The following AFF3 variants were observed in gnomAD, a reference collection of about 807,000 sequenced individuals.
AFF3 encodes the protein ALF transcription elongation factor 3.
In AFF3, 32 loss-of-function variants were observed where a neutral mutation model predicts 129.7. The observed-to-expected ratio is 0.25, with a 90% CI of 0.19 to 0.33. The LOEUF is 0.33. Among genes scored for constraint, AFF3 ranks in the 10% least tolerant of loss-of-function variants. The probability of loss-of-function intolerance (pLI) is 1.00; values close to 1 mark genes in which losing one functional copy is unlikely to be tolerated. For missense variants in AFF3, 1,373 were observed against 1,592.0 expected (o/e 0.86, Z 2.34); for synonymous variants, 644 against 635.4 (o/e 1.01, Z -0.20).
chr2:99,565,700 C>G lies in AFF3; in HGVS notation c.2983-77G>C. The G allele has an allele frequency of 2.0e-6, 3 of 1,496,154 alleles. No individual in the cohort carries two copies. In the South Asian group the frequency reaches 3.8e-5, roughly 19 times the overall value. 92.7% of individuals were successfully genotyped at this position (1,496,154 alleles called of 1,614,324 possible). On this transcript the variant is annotated intron_variant, in intron 19 of 24. Coordinates refer to ENST00000672756, the MANE Select transcript of AFF3 (RefSeq NM_001386135.1). ...TGGCATTGTCATGTAGTTTATACAC[C>G]TTATTTGAGAAACCCAACTCTGACT...
intron 8 of AFF3, among the ~76,000 whole-genome samples, chr2:99,763,004 C>G (rs1028627663): frequency 1.3e-5 from 2 of 152,238 alleles, no homozygotes; most frequent in Non-Finnish European, 2.9e-5. Context: ...TACAACACTG[C>G]ATCTCATCTA....
chr2:99,578,201 G>A, intron 18 of AFF3, 126 bp downstream of exon 18: 4 of 1,331,074 alleles, frequency 3.0e-6, no homozygotes, highest in Non-Finnish European at 4.0e-6. Flanking sequence ...AAATGACCAA[G>A]TCCCAGGGGA....
intron 7 of AFF3, among the ~76,000 whole-genome samples, chr2:99,898,219 A>T (rs1055892125): frequency 6.6e-6 from 1 of 152,138 alleles, no homozygotes; most frequent in African/African-American, 2.4e-5. Context: ...AAGAATGGAC[A>T]TTTTTTCCCT....
At chr2:99,952,764 A>G (rs1034929822) in intron 7 of AFF3, among the ~76,000 whole-genome samples, 1 of 152,146 alleles carries the variant, frequency 6.6e-6, no homozygotes, top group Non-Finnish European at 1.5e-5. Context: ...CTGCTCCTTA[A>G]TCAAAGGACT....
chr2:100,006,604 C>T (rs763459456), intron 7 of AFF3, 28 bp downstream of exon 7: 8 of 1,576,382 alleles, frequency 5.1e-6, no homozygotes, highest in Middle Eastern at 1.7e-4. Flanking sequence ...TATGCAGTTG[C>T]ATGTGAACGG....
intron 4 of AFF3, among the ~76,000 whole-genome samples, chr2:100,053,121 CA>C (rs1686484513): frequency 6.6e-6 from 1 of 152,262 alleles, no homozygotes; most frequent in African/African-American, 2.4e-5. Flanking sequence ...ATCAAAAAGT[CA>C]TTTATGTTTA....
chr2:100,082,697 T>A (rs868746803), intron 4 of AFF3, among the ~76,000 whole-genome samples: 1 of 152,182 alleles, frequency 6.6e-6, no homozygotes, highest in Non-Finnish European at 1.5e-5. Flanking sequence ...TATTTAGTCA[T>A]GATTTTGTCA....
intron 13 of AFF3, among the ~76,000 whole-genome samples, chr2:99,623,728 G>A (rs1682279700): frequency 6.6e-6 from 1 of 152,218 alleles, no homozygotes; most frequent in Non-Finnish European, 1.5e-5. Flanking sequence ...GGGGCAAAAC[G>A]CGGGTGCCAT....
At chr2:99,713,903 G>A (rs1678142531) in intron 11 of AFF3, among the ~76,000 whole-genome samples, 1 of 151,948 alleles carries the variant, frequency 6.6e-6, no homozygotes, top group South Asian at 2.1e-4. Context: ...GTTTCACCAT[G>A]TTGGCGAGGC....
chr2:99,571,623 G>A (rs1676484293), intron 18 of AFF3, among the ~76,000 whole-genome samples: 1 of 152,180 alleles, frequency 6.6e-6, no homozygotes, highest in South Asian at 2.1e-4. Context: ...TAATAGCATA[G>A]GTACCATCTG....
chr2:100,111,703 T>G (rs1691516154), intron 2 of AFF3, among the ~76,000 whole-genome samples: 1 of 152,252 alleles, frequency 6.6e-6, no homozygotes, highest in South Asian at 2.1e-4. Flanking sequence ...GAAGCTGATT[T>G]ACTTCAGAAG....
chr2:99,729,356 TA>T (rs1279059336), intron 10 of AFF3, among the ~76,000 whole-genome samples: 1 of 152,162 alleles, frequency 6.6e-6, no homozygotes, highest in Non-Finnish European at 1.5e-5. Context: ...TAGCAGCACT[TA>T]TGTTGTGGCA....
intron 4 of AFF3, among the ~76,000 whole-genome samples, chr2:100,020,130 C>G (rs1683464899): frequency 6.6e-6 from 1 of 152,124 alleles, no homozygotes; most frequent in African/African-American, 2.4e-5. Flanking sequence ...CAATCTGGTT[C>G]TCCTGTTCAC....
chr2:99,636,350 C>A (rs1270166343), intron 13 of AFF3, among the ~76,000 whole-genome samples: 1 of 151,952 alleles, frequency 6.6e-6, no homozygotes, highest in African/African-American at 2.4e-5. Flanking sequence ...CCTGTCCAGT[C>A]GGCTGGATTG....
At chr2:99,961,900 T>A (rs1290387115) in intron 7 of AFF3, among the ~76,000 whole-genome samples, 19 of 152,158 alleles carry the variant, frequency 1.2e-4, no homozygotes. Flanking sequence ...GATAGATCAA[T>A]CACCCCACTG....
chr2:99,663,790 C>A (rs1686446034), intron 12 of AFF3, among the ~76,000 whole-genome samples: 1 of 152,180 alleles, frequency 6.6e-6, no homozygotes. Context: ...CAATTTAGAT[C>A]CCTGGTCCCT....
rs72966457 is a variant in AFF3, at chr2:100,031,291, A to G, written c.54-22359T>C. Among the ~76,000 whole-genome samples the G allele has an allele frequency of 9.7e-3, 1,483 of 152,328 alleles. 22 individuals are homozygous for G. Among genetic ancestry groups the G allele is most frequent in the African/African-American group, 0.033 (1,354 of 41,566 alleles). On this transcript the variant is annotated intron_variant, in intron 4 of 24. Transcript: ENST00000672756. ...TGAATAATGGAACCAAGATTTCTCA[A>G]TGTTGAAGTGGGTGGGATTACACAT...
chr2:99,800,047 C>A (rs907554172), intron 8 of AFF3, among the ~76,000 whole-genome samples: 1 of 152,080 alleles, frequency 6.6e-6, no homozygotes, highest in African/African-American at 2.4e-5. Context: ...ACTCCAAAAA[C>A]AAGAACCATA....
chr2:100,051,807 C>T (rs967282246), intron 4 of AFF3, among the ~76,000 whole-genome samples: 1 of 152,132 alleles, frequency 6.6e-6, no homozygotes, highest in African/African-American at 2.4e-5. Flanking sequence ...CAAAATGTAA[C>T]CTTCACCTTA....
Sources: allele counts gnomAD v4.1 joint callset (sites outside exome capture counted in the v4.1 genomes callset), GRCh38; gene constraint gnomAD v4.1.1; transcripts MANE v1.5; gene names NCBI Gene and HGNC (gene_info 2026-07-23, HGNC 2026-07-21).